Variants in INTS2 observed in about 807,000 individuals in gnomAD.
The protein encoded by INTS2 is KIAA1287.
A neutral mutation model predicts 139.6 loss-of-function variants in INTS2; 57 were observed. The observed-to-expected ratio is 0.41, with a 90% confidence interval of 0.33 to 0.51. The LOEUF (loss-of-function observed/expected upper bound fraction) is 0.51. Ranked by LOEUF, INTS2 falls within the 20% of genes least tolerant of loss-of-function variation. The probability of loss-of-function intolerance (pLI) is 0.28; values close to 1 mark genes in which losing one functional copy is unlikely to be tolerated. For missense variants in INTS2, 1,196 were observed against 1,436.7 expected, an observed-to-expected ratio of 0.83 and a Z score of 2.71; for synonymous variants, 473 against 493.4, an observed-to-expected ratio of 0.96 and a Z score of 0.55.
rs2079365081 is a variant in INTS2 at position 61,897,845 on chromosome 17, A to G, written c.1308-106T>C. 5 of 788,790 alleles carry G rather than the reference A, an allele frequency of 6.3e-6. No individual in the cohort carries two copies. The highest frequency in any genetic ancestry group is 1.0e-5 in the Non-Finnish European group (5 of 485,570). The allele number at this position is 788,790 out of a possible 1,614,324, so 48.9% of individuals were successfully genotyped here. On this transcript the variant is annotated intron_variant, in intron 9 of 24. Coordinates refer to ENST00000251334, the MANE Select transcript of INTS2 (RefSeq NM_001351695.2). The surrounding 1 kb of genome is among the most constrained non-coding windows in gnomAD (Gnocchi z 4.4). Reference sequence around the variant, plus strand: ...TGGTAGAAATTATTTTTCCTGCCCTATTTTCAAGTATCAAGTCAAATTAAA... The same window carrying G: ...TGGTAGAAATTATTTTTCCTGCCCTGTTTTCAAGTATCAAGTCAAATTAAA...
At position 61,924,719 on chromosome 17, in the gene INTS2, C is replaced by T. The variant is rs1443262080; in HGVS notation, c.432+242G>A. ...TGGCGGGCACCTGTAATCCCAGCTA[C>T]TCATGAAGCTGAGGCAGGAGAACCG... On this transcript the variant is annotated intron_variant, in intron 3 of 24. Transcript: ENST00000251334. Among the ~76,000 whole-genome samples, 3 of 152,176 alleles carry T rather than the reference C, an allele frequency of 2.0e-5. No individual in the cohort carries two copies. In the South Asian group the frequency reaches 6.2e-4, roughly 32 times the overall value.
At chr17:61,887,408 G>A (rs923308343) in intron 15 of INTS2, among the ~76,000 whole-genome samples, 2 of 151,448 alleles carry the variant, frequency 1.3e-5, no homozygotes, top group Admixed American at 6.6e-5. Context: ...ACTGGAACCC[G>A]GGAGGTGGAG....
At chr17:61,903,608 C>A (rs2079430924) in intron 9 of INTS2, among the ~76,000 whole-genome samples, 1 of 148,550 alleles carries the variant, frequency 6.7e-6, no homozygotes, top group Non-Finnish European at 1.5e-5. Context: ...ATGAATGGTA[C>A]ATATAACACC....
In INTS2 at chr17:61,871,768, T is replaced by C. The variant is rs77593359; in HGVS notation, c.2778+497A>G. 1.3e-5 allele frequency among the ~76,000 whole-genome samples: 2 copies of C among 151,904 alleles called. No homozygotes were observed. The highest frequency in any genetic ancestry group is 2.9e-5 in the Non-Finnish European group (2 of 67,962). Reference sequence around the variant, plus strand: ...GGCAAACACAGCAAAACCCTGTCTCTACTAAAAATACAAAAATTAGCCAGG... The same window carrying C: ...GGCAAACACAGCAAAACCCTGTCTCCACTAAAAATACAAAAATTAGCCAGG... On this transcript the variant is annotated intron_variant, in intron 20 of 24. Transcript: ENST00000251334. The surrounding 1 kb of genome is among the most constrained non-coding windows in gnomAD (Gnocchi z 4.9).
Position 61,875,073 on chromosome 17 carries a change from T to C in INTS2, c.2457-35A>G. On this transcript the variant is annotated intron_variant, in intron 18 of 24. Transcript: ENST00000251334. This position sits in a 1 kb window ranked among gnomAD's most constrained non-coding sequence, Gnocchi z 4.6. Reference sequence around the variant, plus strand: ...AAATAATCACATGTTCAAAACAGTTTTTTATATATTAAAATCTGTAGCCAT... The same window carrying C: ...AAATAATCACATGTTCAAAACAGTTCTTTATATATTAAAATCTGTAGCCAT... 6.7e-7 allele frequency: 1 copy of C among 1,489,578 alleles called. No homozygotes were observed. The highest frequency in any genetic ancestry group is 9.0e-7 in the Non-Finnish European group (1 of 1,109,668). 92.3% of individuals were successfully genotyped at this position (1,489,578 alleles called of 1,614,324 possible). A position where few individuals can be genotyped will look rare whatever the true frequency, so the allele number is the denominator to read the frequency against.
In INTS2 at chr17:61,869,338, G is replaced by A; in HGVS notation, c.3073C>T (p.Pro1025Ser). 2 of 1,607,302 alleles carry A rather than the reference G, an allele frequency of 1.2e-6. No homozygotes were observed. The highest frequency in any genetic ancestry group is 1.7e-6 in the Non-Finnish European group (2 of 1,176,558). Residue 1025 changes from proline (P) to serine (S), a missense_variant, in exon 22 of 25, where the codon CCA becomes TCA. This residue lies in a region of INTS2 where 1,129 missense variants were observed against 1,341.9 expected (regional missense o/e 0.84). Transcript: ENST00000251334. This position sits in a 1 kb window ranked among gnomAD's most constrained non-coding sequence, Gnocchi z 5.4. ...AAATCTAGACAGATGTGCATAGATGGAATACCTGCGACCGTCAGAGGCAAA... is the reference window on the plus strand; with the variant it reads ...AAATCTAGACAGATGTGCATAGATGAAATACCTGCGACCGTCAGAGGCAAA... Reference protein sequence around the residue: ...ELLPLTVAGIPSMHICLDFIP... With the variant: ...ELLPLTVAGISSMHICLDFIP...
chr17:61,885,248 A>G (rs969396974), intron 15 of INTS2: 15 of 505,280 alleles, frequency 3.0e-5, no homozygotes, highest in South Asian at 7.8e-5. Flanking sequence ...AAGAAAATTC[A>G]TAACAGGTTG....
chr17:61,873,773 CTATT>C lies in INTS2; in HGVS notation c.2582+1136_2582+1139del, dbSNP rs1270128028. ...GACAAGTTTAAATATCAAGTGTGTC[CTATT>C]TAGTCTTCCTTACTAGTTTCTCTCT... On this transcript the variant is annotated intron_variant, in intron 19 of 24. Transcript: ENST00000251334. This position sits in a 1 kb window ranked among gnomAD's most constrained non-coding sequence, Gnocchi z 4.0. Among the ~76,000 whole-genome samples, 2 of 152,094 alleles carry C rather than the reference CTATT, an allele frequency of 1.3e-5. No individual in the cohort carries two copies. Among genetic ancestry groups the C allele is most frequent in the Non-Finnish European group, 2.9e-5 (2 of 68,006 alleles).
At chr17:61,877,744 C>G (rs1271086268) in intron 18 of INTS2, 143 bp downstream of exon 18, 1 of 609,364 alleles carries the variant, frequency 1.6e-6, no homozygotes, top group African/African-American at 1.8e-5. Context: ...ATTTAGTAGT[C>G]TTAAGAAAGG....
intron 4 of INTS2, among the ~76,000 whole-genome samples, chr17:61,921,501 T>C (rs1209474265): frequency 6.6e-6 from 1 of 152,238 alleles, no homozygotes; most frequent in African/African-American, 2.4e-5. Flanking sequence ...ATTAAAGTCA[T>C]TAAATCAAAG....
chr17:61,872,859 G>A lies in INTS2; in HGVS notation c.2583-399C>T, dbSNP rs2079100039. 6.6e-6 allele frequency among the ~76,000 whole-genome samples: 1 copy of A among 152,098 alleles called. No individual in the cohort carries two copies. Among genetic ancestry groups the A allele is most frequent in the Non-Finnish European group, 1.5e-5 (1 of 68,010 alleles). ...AATATAAAGATGAAATAAATGGCCA[G>A]TAAATACTGTTAAATGTCCAGTCTA... On this transcript the variant is annotated intron_variant, in intron 19 of 24. Transcript: ENST00000251334. This position sits in a 1 kb window ranked among gnomAD's most constrained non-coding sequence, Gnocchi z 4.8.
At chr17:61,905,094 C>T (rs889586324) in intron 8 of INTS2, among the ~76,000 whole-genome samples, 2 of 151,682 alleles carry the variant, frequency 1.3e-5, no homozygotes, top group African/African-American at 4.8e-5. Flanking sequence ...CACAGGTATG[C>T]GCCACCATGC....
At position 61,870,994 on chromosome 17, in the gene INTS2, T is replaced by C. The variant is rs1036582288; in HGVS notation, c.2779-1006A>G. On this transcript the variant is annotated intron_variant, in intron 20 of 24. Coordinates refer to ENST00000251334, the MANE Select transcript of INTS2 (RefSeq NM_001351695.2). The surrounding 1 kb of genome is among the most constrained non-coding windows in gnomAD (Gnocchi z 4.4). The stretch of plus-strand genomic sequence containing the variant: ...AGGTTATAAAAATTAAATGAGCTAA[T>C]ATATTTAAAGAACTTAGGCTAGCAC... Among the ~76,000 whole-genome samples, 6 of 152,214 alleles carry C rather than the reference T, an allele frequency of 3.9e-5. No homozygotes were observed. The highest frequency in any genetic ancestry group is 7.3e-5 in the Non-Finnish European group (5 of 68,034).
rs934130306 is a variant in INTS2 at position 61,875,598 on chromosome 17, T to C, written c.2457-560A>G. Among the ~76,000 whole-genome samples the C allele has an allele frequency of 6.6e-6, 1 of 152,148 alleles. No homozygotes were observed. Among genetic ancestry groups the C allele is most frequent in the Non-Finnish European group, 1.5e-5 (1 of 68,026 alleles). ...GGGTTATGCAAATACAGAAGGTACT[T>C]GATCTTACAGTGAAGCCCAGGAATC... On this transcript the variant is annotated intron_variant, in intron 18 of 24. Transcript: ENST00000251334. The surrounding 1 kb of genome is among the most constrained non-coding windows in gnomAD (Gnocchi z 4.6).
chr17:61,920,284 C>A (rs996939802), intron 4 of INTS2, among the ~76,000 whole-genome samples: 14 of 149,536 alleles, frequency 9.4e-5, no homozygotes, highest in African/African-American at 3.4e-4. Flanking sequence ...AGAGTTCAAG[C>A]GATTCTCCTG....
At chr17:61,900,511 C>G (rs563928590) in intron 9 of INTS2, among the ~76,000 whole-genome samples, 3 of 152,150 alleles carry the variant, frequency 2.0e-5, no homozygotes, top group Non-Finnish European at 4.4e-5. Context: ...AGCCCTTAAC[C>G]CTCACTCTTT....
chr17:61,902,696 A>T (rs1413743333), intron 9 of INTS2, among the ~76,000 whole-genome samples: 1 of 151,524 alleles, frequency 6.6e-6, no homozygotes, highest in Non-Finnish European at 1.5e-5. Context: ...CAACACAGCG[A>T]AACACTGTCT....
chr17:61,872,743 A>G lies in INTS2; in HGVS notation c.2583-283T>C, dbSNP rs2145902210. On this transcript the variant is annotated intron_variant, in intron 19 of 24. Transcript: ENST00000251334. This position sits in a 1 kb window ranked among gnomAD's most constrained non-coding sequence, Gnocchi z 4.8. ...GATGACCGGGTGCGGGCAAAACAAT[A>G]TTGCATGAAGAAAAACTGTAATACA... Among the ~76,000 whole-genome samples, 1 of 152,332 alleles carries G rather than the reference A, an allele frequency of 6.6e-6. No individual in the cohort carries two copies. The highest frequency in any genetic ancestry group is 6.5e-5 in the Admixed American group (1 of 15,298).
At position 61,889,807 on chromosome 17, in the gene INTS2, G is replaced by C; in HGVS notation, c.1963C>G (p.Leu655Val). 1.9e-6 allele frequency: 3 copies of C among 1,598,140 alleles called. No individual in the cohort carries two copies. The highest frequency in any genetic ancestry group is 1.3e-5 in the African/African-American group (1 of 74,732). The part of the protein sequence containing the change: ...YYILSYEEAL[L>V]ANTKTLAAMQ... ...TTACCTAAAGTCTTCGTGTTTGCTAGAAGAGCCTCTTCATAAGACAGTATA... is the reference window on the plus strand; with the variant it reads ...TTACCTAAAGTCTTCGTGTTTGCTACAAGAGCCTCTTCATAAGACAGTATA... Residue 655 changes from leucine (L) to valine (V), a missense_variant, in exon 15 of 25, where the codon CTA becomes GTA. By Grantham distance (32) the Leu-to-Val change is conservative. Coordinates refer to ENST00000251334, the MANE Select transcript of INTS2 (RefSeq NM_001351695.2).
Sources: allele counts gnomAD v4.1 joint callset (sites outside exome capture counted in the v4.1 genomes callset), GRCh38; gene constraint gnomAD v4.1.1; regional missense constraint gnomAD v4.1.1; non-coding constraint Gnocchi (gnomAD v3.1); transcripts MANE v1.5; gene names NCBI Gene and HGNC (gene_info 2026-07-23, HGNC 2026-07-21).